Variants in MSI2 observed in about 807,000 individuals in gnomAD.
The protein encoded by MSI2 is RNA-binding protein Musashi homolog 2.
Under a neutral mutation model 45.6 loss-of-function variants are expected in MSI2, and 17 were observed. The ratio of observed to expected loss-of-function variants is 0.37; its 90% confidence interval spans 0.26 to 0.56. The LOEUF is 0.56. Ranked by LOEUF, MSI2 falls within the 20% of genes least tolerant of loss-of-function variation. MSI2 has a pLI of 0.77. For missense variants in MSI2, 293 were observed against 444.2 expected (o/e 0.66, Z 3.06); for synonymous variants, 156 against 158.2 (o/e 0.99, Z 0.11).
At chr17:57,623,683 G>A (rs2144592311) in intron 9 of MSI2, among the ~76,000 whole-genome samples, 1 of 152,302 alleles carries the variant, frequency 6.6e-6, no homozygotes, top group Non-Finnish European at 1.5e-5. Context: ...CAGTGTGGGA[G>A]GGGCCAGGCT....
intron 7 of MSI2, among the ~76,000 whole-genome samples, chr17:57,540,259 T>TTAA (rs2087014115): frequency 6.6e-6 from 1 of 152,254 alleles, no homozygotes; most frequent in Admixed American, 6.5e-5. Flanking sequence ...TTTGTCATTA[T>TTAA]CATATTAATT....
rs71373400 is a variant in MSI2, at chr17:57,507,233, G to A, written c.406-22443G>A. On this transcript the variant is annotated intron_variant, in intron 6 of 13. Transcript: ENST00000284073. ...TTTTTGTCTTTGTCTCTCTGTGTGT[G>A]TGTGTGTGTGTGTGTGTGTGTGTGT... 3.6e-3 allele frequency among the ~76,000 whole-genome samples: 219 copies of A among 60,368 alleles called. 5 individuals are homozygous for A. Among genetic ancestry groups the A allele is most frequent in the Middle Eastern group, 0.025 (3 of 120 alleles). The allele number at this position is 60,368 out of a possible 152,430, so 39.6% of individuals were successfully genotyped here.
intron 6 of MSI2, among the ~76,000 whole-genome samples, chr17:57,489,288 C>T (rs2143795742): frequency 6.6e-6 from 1 of 152,188 alleles, no homozygotes; most frequent in South Asian, 2.1e-4. Flanking sequence ...TGGAGCTTCT[C>T]AAGGGAGAAC....
At chr17:57,410,528 C>A in intron 6 of MSI2, among the ~76,000 whole-genome samples, 1 of 151,642 alleles carries the variant, frequency 6.6e-6, no homozygotes, top group East Asian at 1.9e-4. Context: ...AAAAAAAATT[C>A]TGCCCCAATG....
rs562444991 is a variant in MSI2, at chr17:57,363,786, A to G, written c.313-37593A>G. Among the ~76,000 whole-genome samples the G allele has an allele frequency of 1.4e-3, 206 of 151,956 alleles. 1 individual carries two copies. The highest frequency in any genetic ancestry group is 4.7e-3 in the African/African-American group (195 of 41,346). ...AACAACAACAACAAACAACAACAAC[A>G]ACAACAAACAACAACAACAACAAAA... On this transcript the variant is annotated intron_variant, in intron 5 of 13. Coordinates refer to ENST00000284073, the MANE Select transcript of MSI2 (RefSeq NM_138962.4).
intron 5 of MSI2, among the ~76,000 whole-genome samples, chr17:57,324,197 TGGA>T (rs1343788619): frequency 1.3e-5 from 2 of 152,094 alleles, no homozygotes; most frequent in Non-Finnish European, 2.9e-5. Context: ...TCTGAGGCCT[TGGA>T]GGAGGGGTGG....
At chr17:57,421,120 A>G (rs951231457) in intron 6 of MSI2, among the ~76,000 whole-genome samples, 1 of 151,900 alleles carries the variant, frequency 6.6e-6, no homozygotes, top group Non-Finnish European at 1.5e-5. Flanking sequence ...TGGCTGTAAT[A>G]TTGGTTCCCT....
chr17:57,665,712 CTCAGCAGAAT>C (rs1912316233), intron 11 of MSI2, among the ~76,000 whole-genome samples: 2 of 152,216 alleles, frequency 1.3e-5, no homozygotes, highest in African/African-American at 4.8e-5. Flanking sequence ...GGACTTGGCT[CTCAGCAGAAT>C]GGAGTGGTCT....
At chr17:57,431,887 A>G (rs2084601135) in intron 6 of MSI2, among the ~76,000 whole-genome samples, 1 of 152,092 alleles carries the variant, frequency 6.6e-6, no homozygotes, top group South Asian at 2.1e-4. Context: ...TGTAGACAGA[A>G]CACCCCCTTG....
intron 6 of MSI2, among the ~76,000 whole-genome samples, chr17:57,414,272 G>A (rs2084251670): frequency 6.6e-6 from 1 of 152,202 alleles, no homozygotes; most frequent in South Asian, 2.1e-4. Context: ...ACCAGGACTG[G>A]CCTATGGCCT....
chr17:57,508,060 G>A (rs532496751), intron 6 of MSI2, among the ~76,000 whole-genome samples: 126 of 152,314 alleles, frequency 8.3e-4, no homozygotes, highest in African/African-American at 2.9e-3. Context: ...ACCTACTTCA[G>A]AGCGCAGCAG....
intron 10 of MSI2, chr17:57,633,325 C>T: frequency 6.2e-6 from 2 of 324,286 alleles, no homozygotes; most frequent in Non-Finnish European, 4.5e-6. Context: ...CCGCCTGTTC[C>T]CAGCCCTCCC....
chr17:57,483,148 T>C (rs913029257), intron 6 of MSI2, among the ~76,000 whole-genome samples: 1 of 152,226 alleles, frequency 6.6e-6, no homozygotes, highest in African/African-American at 2.4e-5. Context: ...AGGAGGTAGA[T>C]GCTATTATCC....
chr17:57,527,470 G>GGT (rs1555618938), intron 6 of MSI2, among the ~76,000 whole-genome samples: 3 of 145,028 alleles, frequency 2.1e-5, no homozygotes, highest in African/African-American at 7.3e-5. Flanking sequence ...CCGTCGGCGG[G>GGT]GGCTCTTGAA....
intron 10 of MSI2, among the ~76,000 whole-genome samples, chr17:57,640,891 T>C (rs561464547): frequency 6.6e-6 from 1 of 152,320 alleles, no homozygotes; most frequent in African/African-American, 2.4e-5. Context: ...TATTTTCTCA[T>C]CATCAAAACC....
intron 6 of MSI2, among the ~76,000 whole-genome samples, chr17:57,515,602 G>A (rs1227821193): frequency 2.6e-5 from 4 of 152,160 alleles, no homozygotes; most frequent in Non-Finnish European, 4.4e-5. Flanking sequence ...TCTAGTGGGC[G>A]CTAGGTAGGG....
intron 6 of MSI2, among the ~76,000 whole-genome samples, chr17:57,517,011 A>G (rs1308736550): frequency 1.3e-5 from 2 of 152,216 alleles, no homozygotes; most frequent in African/African-American, 4.8e-5. Flanking sequence ...TTGCCCAGTG[A>G]CTGCATCTCT....
chr17:57,582,165 A>T (rs1410957322), intron 7 of MSI2, among the ~76,000 whole-genome samples: 1 of 152,028 alleles, frequency 6.6e-6, no homozygotes, highest in Admixed American at 6.6e-5. Flanking sequence ...TTCCCACCCT[A>T]CCTCCAGACT....
intron 11 of MSI2, among the ~76,000 whole-genome samples, chr17:57,660,503 G>A (rs1195110692): frequency 1.3e-5 from 2 of 152,202 alleles, no homozygotes; most frequent in East Asian, 1.9e-4. Context: ...GGAAGTTCAT[G>A]GATAAATACT....
Sources: allele counts gnomAD v4.1 joint callset (sites outside exome capture counted in the v4.1 genomes callset), GRCh38; gene constraint gnomAD v4.1.1; transcripts MANE v1.5; gene names NCBI Gene and HGNC (gene_info 2026-07-23, HGNC 2026-07-21).